Variants in EFCAB5 observed in about 807,000 individuals in gnomAD.
EFCAB5 encodes the protein EF-hand calcium-binding domain-containing protein 5.
A neutral mutation model predicts 167.9 loss-of-function variants in EFCAB5; 131 were observed. The observed-to-expected ratio is 0.78, with a 90% CI of 0.68 to 0.90. The LOEUF is 0.90. EFCAB5 is among the 40% of genes least tolerant of loss of function. EFCAB5 has a pLI of 0.00. For missense variants in EFCAB5, 1,663 were observed against 1,745.2 expected, an observed-to-expected ratio of 0.95 and a Z score of 0.84; for synonymous variants, 574 against 602.8, an observed-to-expected ratio of 0.95 and a Z score of 0.70.
intron 8 of EFCAB5, among the ~76,000 whole-genome samples, chr17:30,041,233 A>AGGAAGGAAGG (rs2069765007): frequency 6.6e-6 from 1 of 152,086 alleles, no homozygotes; most frequent in African/African-American, 2.4e-5. Context: ...GAAGGAAGGA[A>AGGAAGGAAGG]ATAATTCACC....
At chr17:30,011,412 C>T (rs184199745) in intron 7 of EFCAB5, among the ~76,000 whole-genome samples, 2,047 of 152,202 alleles carry the variant, frequency 0.013, 38 homozygotes, top group African/African-American at 0.047. Flanking sequence ...GCCATTTTCA[C>T]GATATTGATT....
chr17:30,084,213 G>A (rs1597550802), intron 18 of EFCAB5, among the ~76,000 whole-genome samples: 2 of 152,244 alleles, frequency 1.3e-5, no homozygotes, highest in East Asian at 1.9e-4. Context: ...TGGTCAATGA[G>A]GGCAGAATCA....
At chr17:29,980,981 A>C (rs1280529792) in intron 4 of EFCAB5, among the ~76,000 whole-genome samples, 1 of 152,060 alleles carries the variant, frequency 6.6e-6, no homozygotes, top group African/African-American at 2.4e-5. Context: ...CTTTTCTTAA[A>C]TTTGTTCATT....
chr17:30,068,994 A>G (rs1187499770), intron 14 of EFCAB5: 1 of 1,446,806 alleles, frequency 6.9e-7, no homozygotes. Context: ...ACAAGGAGAT[A>G]CATTCCCAGC....
Position 30,053,244 on chromosome 17 carries a change from T to C in EFCAB5, c.1301-11T>C, listed in dbSNP as rs1475235110. 2 of 1,571,196 alleles carry C rather than the reference T, an allele frequency of 1.3e-6. No individual in the cohort carries two copies. Among genetic ancestry groups the C allele is most frequent in the Non-Finnish European group, 1.7e-6 (2 of 1,160,180 alleles). ...CAATGGTTTAAGTGAATATTTTGTT[T>C]TCTGCATTAGGGCCATTCATTGAAT... On this transcript the variant is annotated splice_polypyrimidine_tract_variant and intron_variant, in intron 9 of 22. Transcript: ENST00000394835.
intron 3 of EFCAB5, among the ~76,000 whole-genome samples, chr17:29,946,671 C>T (rs1253536903): frequency 6.6e-6 from 1 of 151,838 alleles, no homozygotes; most frequent in African/African-American, 2.4e-5. Context: ...ATCTCCTGAC[C>T]TCGTGATCCA....
chr17:30,057,602 A>G lies in EFCAB5; in HGVS notation c.2366-74A>G, dbSNP rs1251215344. 6.4e-6 allele frequency: 8 copies of G among 1,253,404 alleles called. No individual in the cohort carries two copies. The South Asian group carries it at 9.3e-5, about 15-fold the overall frequency. The allele number at this position is 1,253,404 out of a possible 1,614,324, so 77.6% of individuals were successfully genotyped here. A position where few individuals can be genotyped will look rare whatever the true frequency, so the allele number is the denominator to read the frequency against. ...TCAAAAATGGCAGATATTCATTACA[A>G]TAGGCACTCATTTATTTTCCCTAAC... On this transcript the variant is annotated intron_variant, in intron 12 of 22. Transcript: ENST00000394835.
intron 14 of EFCAB5, among the ~76,000 whole-genome samples, chr17:30,077,821 T>G (rs1218665798): frequency 1.3e-5 from 2 of 152,210 alleles, no homozygotes; most frequent in South Asian, 2.1e-4. Flanking sequence ...TTAAGTCAAT[T>G]ACAAAGTGAT....
chr17:30,015,907 T>C (rs1057430180), intron 7 of EFCAB5, among the ~76,000 whole-genome samples: 2 of 152,110 alleles, frequency 1.3e-5, no homozygotes, highest in Non-Finnish European at 2.9e-5. Flanking sequence ...GCTTTCCAAG[T>C]AGCTGGGATT....
intron 9 of EFCAB5, 52 bp from the exon 10 acceptor site, chr17:30,053,202 AT>A: frequency 6.5e-7 from 1 of 1,527,730 alleles, no homozygotes. Context: ...AATAGCTCTA[AT>A]TCTGCATTAT....
intron 8 of EFCAB5, among the ~76,000 whole-genome samples, chr17:30,038,362 A>C (rs2069681181): frequency 6.6e-6 from 1 of 152,184 alleles, no homozygotes; most frequent in South Asian, 2.1e-4. Context: ...ATAACAGTAG[A>C]TATGTTTGTG....
Position 30,090,542 on chromosome 17 carries a change from A to T in EFCAB5, c.3805A>T (p.Asn1269Tyr). The change falls in exon 20 of 23, where the codon AAC becomes TAC. Residue 1269 changes from asparagine to tyrosine, a missense_variant. Asn to Tyr is a moderately radical substitution (Grantham distance 143, BLOSUM62 -2). Coordinates refer to ENST00000394835, the MANE Select transcript of EFCAB5 (RefSeq NM_198529.4). The part of the protein sequence containing the change: ...TGEALGVLDF[N>Y]IGQNRMLLCQ... ...AGAGGCTCTGGGAGTCCTCGATTTT[A>T]ACATCGGCCAAAATAGGATGTTGTT... The T allele has an allele frequency of 6.2e-7, 1 of 1,613,998 alleles. No homozygotes were observed. The highest frequency in any genetic ancestry group is 8.5e-7 in the Non-Finnish European group (1 of 1,179,884).
intron 14 of EFCAB5, chr17:30,069,146 C>T: frequency 6.5e-7 from 1 of 1,541,234 alleles, no homozygotes; most frequent in Non-Finnish European, 9.0e-7. Context: ...GAACCAGAAC[C>T]AAATGCAAAG....
intron 7 of EFCAB5, among the ~76,000 whole-genome samples, chr17:30,001,556 A>C (rs1347444012): frequency 6.6e-6 from 1 of 152,224 alleles, no homozygotes; most frequent in African/African-American, 2.4e-5. Flanking sequence ...GGATTGCTTA[A>C]GACCAGGAGT....
At chr17:29,993,135 C>T (rs1311182852) in intron 4 of EFCAB5, 30 bp from the exon 5 acceptor site, 1 of 1,563,530 alleles carries the variant, frequency 6.4e-7, no homozygotes, top group Non-Finnish European at 8.7e-7. Flanking sequence ...GGTATTAACT[C>T]AACATGTTTT....
intron 22 of EFCAB5, among the ~76,000 whole-genome samples, chr17:30,105,407 A>G (rs1173830200): frequency 6.6e-6 from 1 of 152,186 alleles, no homozygotes; most frequent in African/African-American, 2.4e-5. Flanking sequence ...AAATCGCTTG[A>G]ACCCAGGAGA....
In EFCAB5 at chr17:30,093,580, G is replaced by A. The variant is rs975574615; in HGVS notation, c.4321+644G>A. 6.6e-5 allele frequency among the ~76,000 whole-genome samples: 10 copies of A among 152,258 alleles called. No homozygotes were observed. The East Asian group carries it at 1.7e-3, about 26-fold the overall frequency. ...TCCCGCTCTCCTACTATCTGTGGAG[G>A]CTCTAGACCAACGCAGAAGAGTTTC... On this transcript the variant is annotated intron_variant, in intron 22 of 22. Transcript: ENST00000394835.
chr17:30,040,435 C>T (rs1452615959), intron 8 of EFCAB5, among the ~76,000 whole-genome samples: 3 of 152,188 alleles, frequency 2.0e-5, no homozygotes, highest in Non-Finnish European at 4.4e-5. Context: ...TTACTGGACA[C>T]TCTGCCAAAT....
intron 3 of EFCAB5, among the ~76,000 whole-genome samples, chr17:29,959,186 C>A (rs1315035240): frequency 6.6e-6 from 1 of 151,950 alleles, no homozygotes; most frequent in African/African-American, 2.4e-5. Flanking sequence ...CCCAAGGGCT[C>A]TTTAGTCAGC....
Sources: gnomAD v4.1 joint callset for allele counts (sites outside exome capture counted in the v4.1 genomes callset) on GRCh38, gnomAD v4.1.1 for gene constraint, MANE v1.5 for transcripts, NCBI Gene and HGNC (gene_info 2026-07-23, HGNC 2026-07-21) for gene names.